Variants in GLT8D2 observed in about 807,000 individuals in gnomAD.
GLT8D2 encodes glycosyltransferase 8 domain-containing protein 2.
Under a neutral mutation model 44.5 loss-of-function variants are expected in GLT8D2, and 45 were observed. The observed-to-expected ratio is 1.01, with a 90% CI of 0.80 to 1.30. The LOEUF (loss-of-function observed/expected upper bound fraction) is 1.30. Among genes scored for constraint, GLT8D2 ranks in the 50% most tolerant of loss-of-function variants. The pLI is 0.00. For synonymous variants in GLT8D2, 156 were observed against 157.2 expected, an observed-to-expected ratio of 0.99 and a Z score of 0.06; for missense variants, 400 against 430.4, an observed-to-expected ratio of 0.93 and a Z score of 0.62.
intron 2 of GLT8D2, among the ~76,000 whole-genome samples, chr12:104,021,037 G>A (rs1168584069): frequency 2.0e-5 from 3 of 152,218 alleles, no homozygotes; most frequent in Non-Finnish European, 4.4e-5. Context: ...AATTCTGATG[G>A]TAAAGGAGAG....
intron 10 of GLT8D2, among the ~76,000 whole-genome samples, chr12:103,990,078 AATATATATATATATATATATAT>A (rs57178471): frequency 0.12 from 14,804 of 122,166 alleles, 1,096 homozygotes; most frequent in Non-Finnish European, 0.14. Flanking sequence ...TATGTGTACA[AATATATATATATATATATATAT>A]ATATATATAT....
chr12:104,045,006 A>G (rs947909687), intron 1 of GLT8D2, among the ~76,000 whole-genome samples: 2 of 152,226 alleles, frequency 1.3e-5, no homozygotes, highest in South Asian at 2.1e-4. Flanking sequence ...CAGCATATCT[A>G]TCTTTAAAAG....
rs77922033 is a variant in GLT8D2 at position 104,060,399 on chromosome 12, C to T, written c.-423+3550G>A. Reference sequence around the variant, plus strand: ...TGAAATGGGGACCTATTTTAGATGCCTCCCTCAAGGACAGATTACTCAAAA... The same window carrying T: ...TGAAATGGGGACCTATTTTAGATGCTTCCCTCAAGGACAGATTACTCAAAA... On this transcript the variant is annotated intron_variant, in intron 1 of 10. Transcript: ENST00000548660. 8.7e-3 allele frequency among the ~76,000 whole-genome samples: 1,322 copies of T among 152,232 alleles called. 24 individuals are homozygous for T. The highest frequency in any genetic ancestry group is 0.03 in the African/African-American group (1,242 of 41,528).
intron 4 of GLT8D2, chr12:104,014,197 T>C: frequency 1.5e-6 from 1 of 657,558 alleles, no homozygotes; most frequent in Non-Finnish European, 2.8e-6. Context: ...AACCCATTTC[T>C]ACAAAAAATT....
At chr12:104,034,536 T>C (rs1159164611) in intron 1 of GLT8D2, among the ~76,000 whole-genome samples, 1 of 152,278 alleles carries the variant, frequency 6.6e-6, no homozygotes, top group Non-Finnish European at 1.5e-5. Flanking sequence ...CCTTGCTCAC[T>C]GCTAGCGCAG....
chr12:104,034,208 G>T (rs913835177), intron 1 of GLT8D2, among the ~76,000 whole-genome samples: 30 of 152,196 alleles, frequency 2.0e-4, no homozygotes, highest in African/African-American at 7.0e-4. Flanking sequence ...CTGGTCTGCA[G>T]CTCCCAGCGT....
intron 1 of GLT8D2, among the ~76,000 whole-genome samples, chr12:104,035,215 C>A (rs986219678): frequency 1.3e-5 from 2 of 152,170 alleles, no homozygotes; most frequent in African/African-American, 2.4e-5. Context: ...GGGGAGAAAC[C>A]AGAGCAGAAA....
At chr12:104,037,884 C>T (rs1398714130) in intron 1 of GLT8D2, among the ~76,000 whole-genome samples, 2 of 152,052 alleles carry the variant, frequency 1.3e-5, no homozygotes, top group Non-Finnish European at 2.9e-5. Flanking sequence ...AACATCAGTG[C>T]GAAATCCTCA....
intron 1 of GLT8D2, among the ~76,000 whole-genome samples, chr12:104,037,925 A>C (rs1354899636): frequency 2.6e-5 from 4 of 152,204 alleles, no homozygotes; most frequent in African/African-American, 9.7e-5. Context: ...ATCCAGCAGC[A>C]CATCAAAAAG....
intron 3 of GLT8D2, 142 bp downstream of exon 3, chr12:104,019,488 T>C: frequency 3.0e-6 from 2 of 672,034 alleles, no homozygotes; most frequent in Non-Finnish European, 5.2e-6. Flanking sequence ...CTGGAAATGA[T>C]GATGCCAAAA....
chr12:104,030,765 C>T lies in GLT8D2; in HGVS notation c.-163-9274G>A, dbSNP rs1308263309. On this transcript the variant is annotated intron_variant, in intron 1 of 10. Coordinates refer to ENST00000360814, the MANE Select transcript of GLT8D2 (RefSeq NM_001384711.1). ...TGCTAATCCCAGTCGGTGCCGCATC[C>T]CCAGCCCGCCGCCATGGCCGCCTAC... 2.5e-6 allele frequency: 4 copies of T among 1,611,966 alleles called. 1 individual carries two copies. The highest frequency in any genetic ancestry group is 2.2e-5 in the South Asian group (2 of 90,986).
At chr12:104,051,420 G>C (rs978963457), upstream of GLT8D2, among the ~76,000 whole-genome samples, 2 of 151,798 alleles carry the variant, frequency 1.3e-5, no homozygotes, top group Non-Finnish European at 2.9e-5. Context: ...ACATTATTAA[G>C]AAGATGTTTT....
At chr12:104,016,773 AAG>A (rs1491281254) in intron 3 of GLT8D2, among the ~76,000 whole-genome samples, 1 of 84,632 alleles carries the variant, frequency 1.2e-5, no homozygotes, top group Non-Finnish European at 2.4e-5. Flanking sequence ...GAAAGAAAGA[AAG>A]AAGGAAGGAA....
chr12:103,994,350 A>T lies in GLT8D2; in HGVS notation c.752T>A (p.Met251Lys). 1 of 1,611,854 alleles carries T rather than the reference A, an allele frequency of 6.2e-7. No individual in the cohort carries two copies. Among genetic ancestry groups the T allele is most frequent in the Non-Finnish European group, 8.5e-7 (1 of 1,178,864 alleles). ...QRITKQLEKWMQKNVEENLYS... is the reference protein window; with the variant it reads ...QRITKQLEKWKQKNVEENLYS... ...CTTCACGTACTCCACATTCTTTTGC[A>T]TCCATTTCTCCAATTGCTTGGTGAT... Residue 251 changes from methionine to lysine, a missense_variant, in exon 9 of 11, where the codon ATG (methionine) becomes AAG (lysine). Coordinates refer to ENST00000360814, the MANE Select transcript of GLT8D2 (RefSeq NM_001384711.1).
intron 1 of GLT8D2, among the ~76,000 whole-genome samples, chr12:104,034,122 T>G (rs1267732914): frequency 6.6e-6 from 1 of 152,242 alleles, no homozygotes; most frequent in African/African-American, 2.4e-5. Context: ...CAGACAATAT[T>G]TACAAGAACA....
At chr12:104,042,345 A>G (rs1011763199) in intron 1 of GLT8D2, among the ~76,000 whole-genome samples, 1 of 152,190 alleles carries the variant, frequency 6.6e-6, no homozygotes, top group African/African-American at 2.4e-5. Context: ...CAAGAGCTAC[A>G]CAGAATGGTC....
At chr12:104,014,799 C>T (rs955983373) in intron 4 of GLT8D2, among the ~76,000 whole-genome samples, 5 of 152,166 alleles carry the variant, frequency 3.3e-5, no homozygotes, top group South Asian at 2.1e-4. Context: ...ACAAGCTCTC[C>T]ATGTGACTCT....
intron 1 of GLT8D2, among the ~76,000 whole-genome samples, chr12:104,029,503 T>G (rs180813959): frequency 1.3e-5 from 2 of 152,280 alleles, no homozygotes; most frequent in Admixed American, 1.3e-4. Context: ...GGGTTGTTTG[T>G]GTGTAGAAAG....
chr12:103,992,132 T>C (rs1403684302), intron 10 of GLT8D2, among the ~76,000 whole-genome samples: 1 of 152,178 alleles, frequency 6.6e-6, no homozygotes, highest in Non-Finnish European at 1.5e-5. Flanking sequence ...CGGTTTTGGA[T>C]CAGGGATTGT....
Sources: gnomAD v4.1 joint callset for allele counts (sites outside exome capture counted in the v4.1 genomes callset) on GRCh38, gnomAD v4.1.1 for gene constraint, MANE v1.5 for transcripts, NCBI Gene and HGNC (gene_info 2026-07-23, HGNC 2026-07-21) for gene names.